The following SYDE2 variants were observed in gnomAD, a reference collection of about 807,000 sequenced individuals.
SYDE2 encodes the protein rho GTPase-activating protein SYDE2.
A neutral mutation model predicts 91.5 loss-of-function variants in SYDE2; 76 were observed. That is an observed-to-expected ratio of 0.83 (90% CI 0.69 to 1.01). SYDE2 has a LOEUF of 1.01. Ranked by LOEUF, SYDE2 falls within the 50% of genes least tolerant of loss-of-function variation. The pLI, the probability that SYDE2 is intolerant of heterozygous loss-of-function variation, is 0.00. For missense variants in SYDE2, 1,364 were observed against 1,367.7 expected, an observed-to-expected ratio of 1.00 and a Z score of 0.04; for synonymous variants, 513 against 506.4, an observed-to-expected ratio of 1.01 and a Z score of -0.18.
At position 85,194,887 on chromosome 1, in the gene SYDE2, G is replaced by A. The variant is rs547230771; in HGVS notation, c.746-4135C>T. The A allele has an allele frequency of 9.9e-5, 97 of 975,932 alleles. No homozygotes were observed. The Middle Eastern group carries it at 2.1e-3, about 21-fold the overall frequency. 60.5% of individuals were successfully genotyped at this position (975,932 alleles called of 1,614,324 possible). A position where few individuals can be genotyped will look rare whatever the true frequency, so the allele number is the denominator to read the frequency against. Reference sequence around the variant, plus strand: ...TGAAAATCTGTAGTACCGGCTGGGCGCGGTGGCTCACGCCTGTAATCCCAG... The same window carrying A: ...TGAAAATCTGTAGTACCGGCTGGGCACGGTGGCTCACGCCTGTAATCCCAG... On this transcript the variant is annotated intron_variant, in intron 1 of 6. Transcript: ENST00000341460.
intron 2 of SYDE2, among the ~76,000 whole-genome samples, chr1:85,186,651 T>A (rs1210317616): frequency 6.6e-6 from 1 of 151,874 alleles, no homozygotes; most frequent in Non-Finnish European, 1.5e-5. Flanking sequence ...AGCATGGTAC[T>A]GGTACCAAAA....
intron 5 of SYDE2, among the ~76,000 whole-genome samples, chr1:85,165,543 A>G (rs72952618): frequency 0.035 from 5,358 of 152,032 alleles, 328 homozygotes; most frequent in African/African-American, 0.12. Context: ...TATGAAAGAC[A>G]TGTTTAAAAG....
At chr1:85,180,750 T>C (rs950949276) in intron 3 of SYDE2, among the ~76,000 whole-genome samples, 1 of 152,170 alleles carries the variant, frequency 6.6e-6, no homozygotes, top group Non-Finnish European at 1.5e-5. Flanking sequence ...AATGTTTTCT[T>C]GGCACTTAAA....
Position 85,200,626 on chromosome 1 carries a change from C to T in SYDE2, c.371G>A (p.Gly124Asp). 1 of 1,550,066 alleles carries T rather than the reference C, an allele frequency of 6.5e-7. No homozygotes were observed. The highest frequency in any genetic ancestry group is 8.7e-7 in the Non-Finnish European group (1 of 1,152,922). The stretch of plus-strand genomic sequence containing the variant: ...GTCCCCACTCCAGCCGTCCATCCTG[C>T]CTCCACGTGGCGGGGGCTCGTCCCA... The part of the protein sequence containing the change: ...RDWDEPPPRG[G>D]RMDGWSGDRA... The change falls in exon 1 of 7, where the codon GGC (glycine) becomes GAC (aspartate). Residue 124 changes from glycine (G) to aspartate (D), a missense_variant. Gly to Asp is a moderately conservative substitution (Grantham distance 94). Transcript: ENST00000341460.
chr1:85,175,057 C>G (rs1441312417), intron 4 of SYDE2, among the ~76,000 whole-genome samples: 1 of 152,048 alleles, frequency 6.6e-6, no homozygotes, highest in Non-Finnish European at 1.5e-5. Flanking sequence ...GGTACTGAAC[C>G]TAGATACTGA....
intron 6 of SYDE2, among the ~76,000 whole-genome samples, chr1:85,161,552 C>T (rs1158798289): frequency 6.6e-6 from 1 of 151,708 alleles, no homozygotes; most frequent in African/African-American, 2.4e-5. Context: ...ATGGTGAAAC[C>T]CCATCTCTAC....
At chr1:85,160,542 T>C in intron 6 of SYDE2, 2 of 975,634 alleles carry the variant, frequency 2.0e-6, no homozygotes, top group Non-Finnish European at 2.4e-6. Flanking sequence ...TAATATAGAA[T>C]GGTCCATACC....
At chr1:85,155,496 A>G (rs1208023589), downstream of SYDE2, among the ~76,000 whole-genome samples, 1 of 152,132 alleles carries the variant, frequency 6.6e-6, no homozygotes, top group Non-Finnish European at 1.5e-5. Flanking sequence ...TTTTTAAAAA[A>G]AAAGAAATAA....
intron 1 of SYDE2, 81 bp downstream of exon 1, chr1:85,200,171 T>G (rs1658760020): frequency 1.9e-6 from 3 of 1,587,676 alleles, no homozygotes; most frequent in Non-Finnish European, 1.7e-6. Flanking sequence ...AACATAACTT[T>G]TTCTTGGCTC....
chr1:85,164,087 G>A (rs1217894177), intron 6 of SYDE2, among the ~76,000 whole-genome samples: 1 of 152,146 alleles, frequency 6.6e-6, no homozygotes, highest in Non-Finnish European at 1.5e-5. Context: ...AAAATGAGAA[G>A]AGTAAATAAA....
At chr1:85,164,452 G>A (rs1420915566) in intron 6 of SYDE2, 74 bp downstream of exon 6, 3 of 1,066,590 alleles carry the variant, frequency 2.8e-6, no homozygotes, top group African/African-American at 3.3e-5. Context: ...AATCATATAT[G>A]AGCATATTTA....
Position 85,200,501 on chromosome 1 carries a change from C to T in SYDE2, c.496G>A (p.Val166Met). Reference sequence around the variant, plus strand: ...CGGTCTCCTTTGCCACTGCGTATCACAGAGGACCCCGCTGGATCCCTGAAA... The same window carrying T: ...CGGTCTCCTTTGCCACTGCGTATCATAGAGGACCCCGCTGGATCCCTGAAA... Reference protein sequence around the residue: ...SPFRDPAGSSVIRSGKGDRQE... With the variant: ...SPFRDPAGSSMIRSGKGDRQE... Residue 166 changes from valine to methionine, a missense_variant, in exon 1 of 7, where the codon GTG becomes ATG. Val to Met is a conservative substitution (Grantham distance 21). Transcript: ENST00000341460. The T allele has an allele frequency of 6.2e-7, 1 of 1,613,756 alleles. No individual in the cohort carries two copies. The highest frequency in any genetic ancestry group is 8.5e-7 in the Non-Finnish European group (1 of 1,179,886).
rs779034265 is a variant in SYDE2 at position 85,182,785 on chromosome 1, A to ACC, written c.1855_1856dup (p.Tyr620ValfsTer30). On this transcript the variant is annotated frameshift_variant, in exon 3 of 7. Transcript: ENST00000341460. LOFTEE classifies it high-confidence loss of function. ...CAGGTGAGTCTCCATCACTAAGGTA[A>ACC]CCACCTTTGCAGGAATACTTAGAAC... 3.1e-6 allele frequency: 5 copies of ACC among 1,613,698 alleles called. No homozygotes were observed. The African/African-American group carries it at 6.7e-5, about 22-fold the overall frequency.
intron 1 of SYDE2, among the ~76,000 whole-genome samples, chr1:85,198,535 A>G (rs1022915163): frequency 1.3e-5 from 2 of 152,218 alleles, no homozygotes; most frequent in Non-Finnish European, 1.5e-5. Flanking sequence ...GATTTCTCAT[A>G]AAATATCTAA....
intron 6 of SYDE2, among the ~76,000 whole-genome samples, chr1:85,163,513 G>A (rs1657154666): frequency 1.4e-5 from 2 of 143,038 alleles, no homozygotes; most frequent in East Asian, 2.0e-4. Flanking sequence ...TTGACTGAGT[G>A]CTCACTTTGT....
chr1:85,182,870 C>G lies in SYDE2; in HGVS notation c.1772G>C (p.Arg591Pro). Residue 591 changes from arginine to proline, a missense_variant, in exon 3 of 7, where the codon CGA becomes CCA. By Grantham distance (103) the Arg-to-Pro change is moderately radical. Transcript: ENST00000341460. ...TTAAKRNVIS[R>P]YHLDTSVSSQ... ...GGATACACTGGTATCAAGATGGTAT[C>G]GGCTTATAACATTCCTCTTAGCAGC... 6.2e-7 allele frequency: 1 copy of G among 1,613,526 alleles called. No homozygotes were observed. The highest frequency in any genetic ancestry group is 8.5e-7 in the Non-Finnish European group (1 of 1,179,720).
chr1:85,196,059 A>G (rs953699333), intron 1 of SYDE2, among the ~76,000 whole-genome samples: 8 of 152,268 alleles, frequency 5.3e-5, no homozygotes, highest in Middle Eastern at 3.4e-3. Context: ...AATCTCACTA[A>G]TACTTGTTAG....
intron 4 of SYDE2, among the ~76,000 whole-genome samples, chr1:85,170,247 G>T (rs1484918999): frequency 6.6e-6 from 1 of 151,300 alleles, no homozygotes; most frequent in African/African-American, 2.4e-5. Flanking sequence ...ACTACAGGTG[G>T]TTGCCCCCAC....
intron 6 of SYDE2, chr1:85,160,249 C>T (rs1657011379): frequency 2.1e-6 from 2 of 964,518 alleles, no homozygotes; most frequent in South Asian, 9.6e-5. Context: ...TGCTTGTTTG[C>T]TGTTGTATAA....
Sources: allele counts gnomAD v4.1 joint callset (sites outside exome capture counted in the v4.1 genomes callset), GRCh38; gene constraint gnomAD v4.1.1; transcripts MANE v1.5; gene names NCBI Gene and HGNC (gene_info 2026-07-23, HGNC 2026-07-21).